LUZP2: variants seen among roughly 807,000 people sequenced by gnomAD.
LUZP2 encodes the protein leucine zipper protein 2.
A neutral mutation model predicts 51.6 loss-of-function variants in LUZP2; 52 were observed. The ratio of observed to expected loss-of-function variants is 1.01; its 90% CI spans 0.81 to 1.27. LUZP2 has a LOEUF of 1.27. Among genes scored for constraint, LUZP2 ranks in the 50% most tolerant of loss-of-function variants. The pLI, the probability that LUZP2 is intolerant of heterozygous loss-of-function variation, is 0.00. For synonymous variants in LUZP2, 154 were observed against 137.3 expected, an observed-to-expected ratio of 1.12 and a Z score of -0.85; for missense variants, 436 against 395.4, an observed-to-expected ratio of 1.10 and a Z score of -0.87.
intron 5 of LUZP2, among the ~76,000 whole-genome samples, chr11:24,794,530 G>T (rs951336412): frequency 3.3e-5 from 5 of 152,116 alleles, no homozygotes; most frequent in African/African-American, 7.2e-5. Flanking sequence ...CCTAAGCCAT[G>T]GGAAATATTA....
rs1056722835 is a variant in LUZP2, at chr11:24,634,024, A to C, written c.63-95145A>C. 2.0e-5 allele frequency among the ~76,000 whole-genome samples: 3 copies of C among 151,686 alleles called. 1 individual carries two copies. In the Admixed American group the frequency reaches 2.0e-4, roughly 10 times the overall value. On this transcript the variant is annotated intron_variant, in intron 1 of 11. Coordinates refer to ENST00000336930, the MANE Select transcript of LUZP2 (RefSeq NM_001009909.4). ...CTAAACCTGTTTAACTATTAAAGCA[A>C]ATAAATGAAGAGCTGAGACTCTGAA...
chr11:24,970,817 A>G (rs1173386121), intron 7 of LUZP2, among the ~76,000 whole-genome samples: 4 of 152,186 alleles, frequency 2.6e-5, no homozygotes, highest in African/African-American at 7.2e-5. Context: ...GGAGCACTAC[A>G]CTTAGAGTGA....
At chr11:24,637,549 T>C (rs745933313) in intron 1 of LUZP2, among the ~76,000 whole-genome samples, 12 of 151,834 alleles carry the variant, frequency 7.9e-5, no homozygotes, top group Non-Finnish European at 1.6e-4. Flanking sequence ...AGGAGAGATA[T>C]TGCTGAATTC....
At chr11:24,762,722 A>G (rs1165043542) in intron 4 of LUZP2, among the ~76,000 whole-genome samples, 4 of 152,134 alleles carry the variant, frequency 2.6e-5, no homozygotes, top group African/African-American at 9.7e-5. Flanking sequence ...CGGTTCCAAT[A>G]AGTGGCATAA....
In LUZP2 at chr11:24,685,576, C is replaced by T. The variant is rs116845356; in HGVS notation, c.63-43593C>T. Among the ~76,000 whole-genome samples, 384 of 152,286 alleles carry T rather than the reference C, an allele frequency of 2.5e-3. 2 individuals are homozygous for T. The highest frequency in any genetic ancestry group is 4.3e-3 in the Non-Finnish European group (294 of 68,032). On this transcript the variant is annotated intron_variant, in intron 1 of 11. Coordinates refer to ENST00000336930, the MANE Select transcript of LUZP2 (RefSeq NM_001009909.4). Reference sequence around the variant, plus strand: ...CTCCCACACTGTTACTAATATCAAACATTCTCCTCCTAGAAATCTCTGTAA... The same window carrying T: ...CTCCCACACTGTTACTAATATCAAATATTCTCCTCCTAGAAATCTCTGTAA...
At chr11:24,527,538 T>G (rs531017154) in intron 1 of LUZP2, among the ~76,000 whole-genome samples, 1 of 146,810 alleles carries the variant, frequency 6.8e-6, no homozygotes. Context: ...CTTTTAGTAT[T>G]GTTAAATAAG....
chr11:24,857,548 A>C (rs1224636040), intron 5 of LUZP2, among the ~76,000 whole-genome samples: 1 of 130,194 alleles, frequency 7.7e-6, no homozygotes, highest in Admixed American at 8.7e-5. Context: ...TTTCAGGTGC[A>C]TATCCAAAAT....
intron 10 of LUZP2, among the ~76,000 whole-genome samples, chr11:25,063,213 T>C (rs1031852655): frequency 6.6e-5 from 10 of 151,740 alleles, no homozygotes; most frequent in African/African-American, 1.9e-4. Flanking sequence ...ATAATTAATC[T>C]AGAGATGATT....
chr11:24,616,222 A>T (rs552707817), intron 1 of LUZP2, among the ~76,000 whole-genome samples: 33 of 151,534 alleles, frequency 2.2e-4, no homozygotes, highest in Non-Finnish European at 2.8e-4. Context: ...AGAACTTACC[A>T]TTTTTTTTCT....
intron 6 of LUZP2, 107 bp downstream of exon 6, chr11:24,906,160 A>T (rs1853446493): frequency 1.7e-6 from 1 of 589,270 alleles, no homozygotes; most frequent in African/African-American, 1.9e-5. Flanking sequence ...CCTAATACAA[A>T]TGCCAATTTT....
At chr11:24,550,474 G>A (rs996389824) in intron 1 of LUZP2, among the ~76,000 whole-genome samples, 1 of 152,004 alleles carries the variant, frequency 6.6e-6, no homozygotes, top group African/African-American at 2.4e-5. Flanking sequence ...ATATCTTAGA[G>A]TTCAAATTTC....
chr11:24,961,431 C>T (rs1855401683), intron 7 of LUZP2, among the ~76,000 whole-genome samples: 1 of 152,120 alleles, frequency 6.6e-6, no homozygotes, highest in Non-Finnish European at 1.5e-5. Flanking sequence ...CTGGGTGCTC[C>T]TGTATTGGGT....
intron 1 of LUZP2, among the ~76,000 whole-genome samples, chr11:24,634,826 A>T (rs1049565544): frequency 6.6e-6 from 1 of 152,204 alleles, no homozygotes; most frequent in South Asian, 2.1e-4. Flanking sequence ...CACAACATCA[A>T]ATAGAATAAT....
intron 6 of LUZP2, among the ~76,000 whole-genome samples, chr11:24,913,411 C>G (rs1002192145): frequency 2.0e-5 from 3 of 152,030 alleles, no homozygotes; most frequent in Non-Finnish European, 4.4e-5. Flanking sequence ...TACAATTTAT[C>G]TCTTCATTTC....
rs143867631 is a variant in LUZP2, at chr11:24,813,541, C to G, written c.396+50233C>G. On this transcript the variant is annotated intron_variant, in intron 5 of 11. Transcript: ENST00000336930. Reference sequence around the variant, plus strand: ...AGGGAGTCAGGGGTGGTGCCACACACTTTGAAACTTCCAGATCTTGTGTGA... The same window carrying G: ...AGGGAGTCAGGGGTGGTGCCACACAGTTTGAAACTTCCAGATCTTGTGTGA... 3.3e-3 allele frequency among the ~76,000 whole-genome samples: 496 copies of G among 152,266 alleles called. 3 individuals carry two copies. Among genetic ancestry groups the G allele is most frequent in the African/African-American group, 0.011 (474 of 41,554 alleles).
intron 5 of LUZP2, among the ~76,000 whole-genome samples, chr11:24,816,005 TTAAA>T (rs145486660): frequency 0.43 from 33,564 of 78,748 alleles, 4,683 homozygotes; most frequent in East Asian, 0.64. Context: ...TCTTTTTTTT[TTAAA>T]AAAAAAAAAA....
intron 1 of LUZP2, among the ~76,000 whole-genome samples, chr11:24,698,008 G>A (rs1390341791): frequency 6.6e-6 from 1 of 152,034 alleles, no homozygotes; most frequent in Non-Finnish European, 1.5e-5. Flanking sequence ...CAACCAATCA[G>A]GAACACTCAT....
chr11:24,958,508 G>C (rs537845718), intron 7 of LUZP2, among the ~76,000 whole-genome samples: 47 of 152,234 alleles, frequency 3.1e-4, no homozygotes, highest in Admixed American at 2.6e-3. Context: ...GGCCAGTGAT[G>C]ATGAGCATTT....
rs546482119 is a variant in LUZP2 at position 25,054,888 on chromosome 11, A to G, written c.858+4758A>G. ...GTTCCTTTTCAAGATTGTATTGGCT[A>G]TTCTGAGTCCCTTACATTTCTTTGC... On this transcript the variant is annotated intron_variant, in intron 10 of 11. Coordinates refer to ENST00000336930, the MANE Select transcript of LUZP2 (RefSeq NM_001009909.4). Among the ~76,000 whole-genome samples the G allele has an allele frequency of 1.0e-4, 15 of 150,358 alleles. No individual in the cohort carries two copies. In the South Asian group the frequency reaches 1.7e-3, roughly 17 times the overall value.
Sources: allele counts gnomAD v4.1 joint callset (sites outside exome capture counted in the v4.1 genomes callset), GRCh38; gene constraint gnomAD v4.1.1; transcripts MANE v1.5; gene names NCBI Gene and HGNC (gene_info 2026-07-23, HGNC 2026-07-21).